Variants in PKIA observed in about 807,000 individuals in gnomAD.
The protein encoded by PKIA is cAMP-dependent protein kinase inhibitor alpha, also known as PKI-alpha.
PKIA carries 4 observed loss-of-function variants against 7.6 expected under a neutral mutation model. The observed-to-expected ratio is 0.52, with a 90% confidence interval of 0.26 to 1.20. The LOEUF (loss-of-function observed/expected upper bound fraction) is 1.20, where lower values mean the gene tolerates loss of function less well. Among genes scored for constraint, PKIA ranks in the 50% most tolerant of loss-of-function variants. The pLI, the probability that PKIA is intolerant of heterozygous loss-of-function variation, is 0.13. For synonymous variants in PKIA, 21 were observed against 30.7 expected, an observed-to-expected ratio of 0.68 and a Z score of 1.04; for missense variants, 73 against 86.2, an observed-to-expected ratio of 0.85 and a Z score of 0.61.
intron 1 of PKIA, among the ~76,000 whole-genome samples, chr8:78,517,161 A>AT (rs1269554432): frequency 2.0e-5 from 3 of 152,068 alleles, no homozygotes; most frequent in South Asian, 4.1e-4. Flanking sequence ...TCCATGACTG[A>AT]TTTTGTCAAG....
intron 1 of PKIA, chr8:78,535,685 A>C (rs1200746738): frequency 1.3e-5 from 2 of 152,130 alleles, no homozygotes; most frequent in East Asian, 3.9e-4. Context: ...CAGCCCTCCG[A>C]ATCTGGGGTT....
chr8:78,559,348 C>T (rs1271224921), intron 1 of PKIA, among the ~76,000 whole-genome samples: 1 of 152,022 alleles, frequency 6.6e-6, no homozygotes, highest in Non-Finnish European at 1.5e-5. Context: ...ATGGTTTTGA[C>T]CAAGACATTA....
chr8:78,588,056 AAATAT>A (rs1325705141), intron 2 of PKIA, among the ~76,000 whole-genome samples: 69 of 152,352 alleles, frequency 4.5e-4, no homozygotes, highest in African/African-American at 1.5e-3. Flanking sequence ...AAAGACCCAG[AAATAT>A]AATATAAAGA....
intron 1 of PKIA, among the ~76,000 whole-genome samples, chr8:78,538,399 C>T (rs1806590401): frequency 6.6e-6 from 1 of 151,994 alleles, no homozygotes; most frequent in South Asian, 2.1e-4. Context: ...GGTGCAGGGA[C>T]ATTTATGGCA....
intron 1 of PKIA, among the ~76,000 whole-genome samples, chr8:78,522,549 A>G (rs764433724): frequency 5.3e-5 from 8 of 151,978 alleles, no homozygotes; most frequent in Non-Finnish European, 7.4e-5. Flanking sequence ...CTATAAGGAA[A>G]TCAACTGAAC....
chr8:78,536,859 TACACACACACACAC>T (rs58547049), intron 1 of PKIA, among the ~76,000 whole-genome samples: 6,389 of 136,100 alleles, frequency 0.047, 192 homozygotes, highest in African/African-American at 0.079. Flanking sequence ...CTAGAAAACA[TACACACACACACAC>T]ACACACACAC....
At position 78,604,173 on chromosome 8, in the gene PKIA, T is replaced by A. The variant is rs1200151022; in HGVS notation, c.*2352T>A. 6.6e-6 allele frequency: 1 copy of A among 152,036 alleles called. No homozygotes were observed. 9.4% of individuals were successfully genotyped at this position (152,036 alleles called of 1,614,324 possible). A position where few individuals can be genotyped will look rare whatever the true frequency, so the allele number is the denominator to read the frequency against. On this transcript the variant is annotated 3_prime_UTR_variant, in exon 4 of 4. Coordinates refer to ENST00000396418, the MANE Select transcript of PKIA (RefSeq NM_006823.4). ...AAGGAAAGGGTAGGAAACCAGGGCCTTGGGTTTAGTAACAGGCATTGGATG... is the reference window on the plus strand; with the variant it reads ...AAGGAAAGGGTAGGAAACCAGGGCCATGGGTTTAGTAACAGGCATTGGATG...
intron 1 of PKIA, among the ~76,000 whole-genome samples, chr8:78,558,666 G>A (rs1255949200): frequency 6.6e-6 from 1 of 151,238 alleles, no homozygotes; most frequent in African/African-American, 2.4e-5. Context: ...GGAATTCTGG[G>A]AGATACAATT....
chr8:78,548,479 T>C (rs1006979114), intron 1 of PKIA, among the ~76,000 whole-genome samples: 1 of 152,152 alleles, frequency 6.6e-6, no homozygotes, highest in African/African-American at 2.4e-5. Flanking sequence ...TTAAACTGAT[T>C]TGTTTTGGAT....
At chr8:78,529,628 A>T (rs1350416747) in intron 1 of PKIA, among the ~76,000 whole-genome samples, 1 of 152,068 alleles carries the variant, frequency 6.6e-6, no homozygotes, top group Non-Finnish European at 1.5e-5. Flanking sequence ...CCTTTAAGAC[A>T]TACAAACTTT....
Position 78,603,795 on chromosome 8 carries a change from A to G in PKIA, c.*1974A>G, listed in dbSNP as rs1808411575. On this transcript the variant is annotated 3_prime_UTR_variant, in exon 4 of 4. Coordinates refer to ENST00000396418, the MANE Select transcript of PKIA (RefSeq NM_006823.4). The stretch of plus-strand genomic sequence containing the variant: ...TCTTTCTTAAGGTTGTGAAATTCCA[A>G]ACTGATTTTATGTGATTTTGAAAAG... 6.6e-6 allele frequency: 1 copy of G among 152,002 alleles called. No homozygotes were observed. Among genetic ancestry groups the G allele is most frequent in the African/African-American group, 2.4e-5 (1 of 41,424 alleles). The allele number at this position is 152,002 out of a possible 1,614,324, so 9.4% of individuals were successfully genotyped here.
chr8:78,528,319 A>G (rs993284570), intron 1 of PKIA, among the ~76,000 whole-genome samples: 1 of 152,030 alleles, frequency 6.6e-6, no homozygotes, highest in Non-Finnish European at 1.5e-5. Context: ...TTTCTGCTTC[A>G]TTTTAACTTT....
rs1808382524 is a variant in PKIA at position 78,602,747 on chromosome 8, G to C, written c.*926G>C. 6.9e-6 allele frequency: 1 copy of C among 145,126 alleles called. No homozygotes were observed. Among genetic ancestry groups the C allele is most frequent in the Admixed American group, 6.9e-5 (1 of 14,590 alleles). The allele number at this position is 145,126 out of a possible 1,614,324, so 9.0% of individuals were successfully genotyped here. A position where few individuals can be genotyped will look rare whatever the true frequency, so the allele number is the denominator to read the frequency against. On this transcript the variant is annotated 3_prime_UTR_variant, in exon 4 of 4. Coordinates refer to ENST00000396418, the MANE Select transcript of PKIA (RefSeq NM_006823.4). ...TATGAGAATTTTGGACAATTGGAAAGGTAGAAAAGAAAAGCCAAGATCATA... is the reference window on the plus strand; with the variant it reads ...TATGAGAATTTTGGACAATTGGAAACGTAGAAAAGAAAAGCCAAGATCATA...
intron 1 of PKIA, among the ~76,000 whole-genome samples, chr8:78,540,202 A>T (rs749680991): frequency 6.6e-6 from 1 of 151,994 alleles, no homozygotes; most frequent in African/African-American, 2.4e-5. Flanking sequence ...GAAAACGAAA[A>T]ATAAAAATAT....
chr8:78,572,598 C>A (rs1213428851), intron 1 of PKIA, among the ~76,000 whole-genome samples: 1 of 151,406 alleles, frequency 6.6e-6, no homozygotes, highest in African/African-American at 2.4e-5. Context: ...GCTAACCAGG[C>A]CTCTTTTGAA....
intron 1 of PKIA, among the ~76,000 whole-genome samples, chr8:78,520,067 T>A (rs560472139): frequency 4.6e-5 from 7 of 152,320 alleles, no homozygotes; most frequent in Non-Finnish European, 1.0e-4. Flanking sequence ...TAAGTTTTTA[T>A]TACCTGCAAC....
At chr8:78,591,087 C>T (rs890862934) in intron 2 of PKIA, 1 of 152,404 alleles carries the variant, frequency 6.6e-6, no homozygotes, top group African/African-American at 2.4e-5. Flanking sequence ...ATGCTGATGA[C>T]ATTCTCTCCA....
intron 2 of PKIA, 149 bp downstream of exon 2, chr8:78,573,088 A>T (rs535852096): frequency 1.6e-4 from 25 of 152,228 alleles, no homozygotes; most frequent in African/African-American, 5.8e-4. Context: ...TGTTTATCAG[A>T]CAAAACCTTG....
At chr8:78,536,371 C>T (rs1211738599) in intron 1 of PKIA, among the ~76,000 whole-genome samples, 1 of 151,934 alleles carries the variant, frequency 6.6e-6, no homozygotes, top group Non-Finnish European at 1.5e-5. Context: ...GCCTCAGAGA[C>T]AATGAGAGGC....
Sources: allele counts gnomAD v4.1 joint callset (sites outside exome capture counted in the v4.1 genomes callset), GRCh38; gene constraint gnomAD v4.1.1; transcripts MANE v1.5; gene names NCBI Gene and HGNC (gene_info 2026-07-23, HGNC 2026-07-21).